Variants in CDKL2 observed in about 807,000 individuals in gnomAD.
The protein encoded by CDKL2 is cyclin dependent kinase like 2.
A neutral mutation model predicts 63.9 loss-of-function variants in CDKL2; 64 were observed. The observed-to-expected ratio is 1.00, with a 90% CI of 0.82 to 1.23. CDKL2 has a LOEUF of 1.23. CDKL2 is among the 50% of genes most tolerant of loss of function. The probability of loss-of-function intolerance (pLI) is 0.00; values close to 1 mark genes in which losing one functional copy is unlikely to be tolerated. For missense variants in CDKL2, 656 were observed against 668.0 expected, an observed-to-expected ratio of 0.98 and a Z score of 0.20; for synonymous variants, 211 against 229.2, an observed-to-expected ratio of 0.92 and a Z score of 0.72.
intron 2 of CDKL2, among the ~76,000 whole-genome samples, chr4:75,618,715 T>C (rs1373706018): frequency 1.3e-5 from 2 of 152,144 alleles, no homozygotes. Context: ...GTAACAAGTG[T>C]GGAAATGAGC....
chr4:75,595,417 G>A (rs1728872176), intron 10 of CDKL2, among the ~76,000 whole-genome samples: 1 of 151,964 alleles, frequency 6.6e-6, no homozygotes, highest in Admixed American at 6.6e-5. Context: ...ATCTTGCTAT[G>A]TTGCTCAAGC....
In CDKL2 at chr4:75,607,378, G is replaced by A. The variant is rs769748215; in HGVS notation, c.364-17C>T. On this transcript the variant is annotated splice_polypyrimidine_tract_variant and intron_variant, in intron 3 of 13. Coordinates refer to ENST00000307465, the MANE Select transcript of CDKL2 (RefSeq NM_001330724.2). ...GTGTATGATCTAGACAAGAAGCAGA[G>A]TGTGACGGATGTTAAATAAAATTAA... 2 of 1,593,634 alleles carry A rather than the reference G, an allele frequency of 1.3e-6. No individual in the cohort carries two copies. Among genetic ancestry groups the A allele is most frequent in the Admixed American group, 3.4e-5 (2 of 58,330 alleles).
intron 2 of CDKL2, among the ~76,000 whole-genome samples, chr4:75,618,367 G>T (rs1475018202): frequency 1.5e-5 from 2 of 129,640 alleles, no homozygotes; most frequent in African/African-American, 5.9e-5. Context: ...CAATTCTCCT[G>T]CCTCAGCCTC....
At chr4:75,597,350 G>T in intron 8 of CDKL2, 114 bp from the exon 9 acceptor site, 1 of 670,934 alleles carries the variant, frequency 1.5e-6, no homozygotes, top group Non-Finnish European at 2.5e-6. Flanking sequence ...TCACCTTTTT[G>T]AAACTGTTTT....
rs10684785 is a variant in CDKL2, at chr4:75,577,995, CA to C, written c.*1206del. The C allele has an allele frequency of 4.8e-3, 666 of 138,860 alleles. 9 individuals are homozygous for C. Among genetic ancestry groups the C allele is most frequent in the East Asian group, 0.014 (68 of 4,884 alleles). The allele number at this position is 138,860 out of a possible 1,614,324, so 8.6% of individuals were successfully genotyped here. The stretch of plus-strand genomic sequence containing the variant: ...GCAACACACTATTAATTAGTTAAGG[CA>C]AAAAAAAAAAAAAAACTCACAAATT... On this transcript the variant is annotated 3_prime_UTR_variant, in exon 14 of 14. Coordinates refer to ENST00000307465, the MANE Select transcript of CDKL2 (RefSeq NM_001330724.2).
intron 3 of CDKL2, among the ~76,000 whole-genome samples, chr4:75,607,876 G>T (rs946764250): frequency 1.3e-5 from 2 of 152,086 alleles, no homozygotes; most frequent in South Asian, 2.1e-4. Flanking sequence ...GCAGTGGCGC[G>T]ATCTCGGCTC....
At chr4:75,626,396 G>A (rs941506672) in intron 1 of CDKL2, among the ~76,000 whole-genome samples, 42 of 152,204 alleles carry the variant, frequency 2.8e-4, no homozygotes, top group Non-Finnish European at 2.4e-4. Flanking sequence ...ACCGGGCGCA[G>A]TGGCTCACGC....
chr4:75,594,258 G>A (rs561582361), intron 10 of CDKL2, among the ~76,000 whole-genome samples: 1 of 152,124 alleles, frequency 6.6e-6, no homozygotes, highest in Admixed American at 6.5e-5. Context: ...AACCAGCCTG[G>A]CCGACATGGA....
chr4:75,607,074 C>T, intron 4 of CDKL2, 109 bp downstream of exon 4: 1 of 857,374 alleles, frequency 1.2e-6, no homozygotes, highest in Non-Finnish European at 1.8e-6. Flanking sequence ...CCCTGAAACT[C>T]AAGCCTTCCT....
intron 6 of CDKL2, 117 bp downstream of exon 6, chr4:75,603,699 AG>A (rs1729298719): frequency 1.3e-6 from 1 of 752,216 alleles, no homozygotes; most frequent in African/African-American, 1.8e-5. Context: ...TGTGTGACAG[AG>A]CAAGACTCCA....
intron 1 of CDKL2, among the ~76,000 whole-genome samples, chr4:75,628,177 G>C (rs1461063872): frequency 1.3e-5 from 2 of 149,956 alleles, no homozygotes; most frequent in Non-Finnish European, 3.0e-5. Flanking sequence ...GTGCAGTGGC[G>C]CGATCTTGGC....
intron 1 of CDKL2, among the ~76,000 whole-genome samples, chr4:75,627,901 G>A (rs1730506848): frequency 6.7e-6 from 1 of 149,678 alleles, no homozygotes; most frequent in Non-Finnish European, 1.5e-5. Flanking sequence ...TAGTAGAGAC[G>A]GGGTTTCGCC....
chr4:75,603,663 C>T (rs184435990), intron 6 of CDKL2, among the ~76,000 whole-genome samples, 154 bp downstream of exon 6: 215 of 139,926 alleles, frequency 1.5e-3, no homozygotes, highest in African/African-American at 5.5e-3. Context: ...TGCAGTGAGC[C>T]GAGATCATGC....
intron 7 of CDKL2, among the ~76,000 whole-genome samples, chr4:75,598,891 TAAAC>T (rs1446478954): frequency 2.6e-5 from 4 of 152,172 alleles, no homozygotes; most frequent in East Asian, 1.9e-4. Context: ...TTTTAACAAA[TAAAC>T]AAAGTGATCT....
At position 75,596,930 on chromosome 4, in the gene CDKL2, C is replaced by G. The variant is rs1728964048; in HGVS notation, c.1322+5G>C. On this transcript the variant is annotated splice_donor_5th_base_variant and intron_variant, in intron 9 of 13. Transcript: ENST00000307465. ...CTTTTTTGATCTTATTTTACTAATT[C>G]ATACCTGTAACCCTGAATTGGTATA... The G allele has an allele frequency of 1.2e-6, 2 of 1,600,466 alleles. No individual in the cohort carries two copies. Among genetic ancestry groups the G allele is most frequent in the Non-Finnish European group, 1.7e-6 (2 of 1,170,574 alleles).
chr4:75,629,922 G>C (rs1277862804), intron 1 of CDKL2, 120 bp downstream of exon 1: 1 of 106,344 alleles, frequency 9.4e-6, no homozygotes, highest in South Asian at 3.6e-4. Context: ...TGGGCAACAA[G>C]AGTGAAACTC....
chr4:75,614,554 G>T, intron 2 of CDKL2, 105 bp from the exon 3 acceptor site: 1 of 689,302 alleles, frequency 1.5e-6, no homozygotes, highest in South Asian at 2.6e-5. Flanking sequence ...AGATCTCAGC[G>T]TAAGAAAAAT....
chr4:75,591,113 A>C (rs930871070), intron 12 of CDKL2, among the ~76,000 whole-genome samples: 4 of 152,352 alleles, frequency 2.6e-5, no homozygotes, highest in African/African-American at 9.6e-5. Context: ...CTTGGTGAAA[A>C]TATGTCAAAT....
chr4:75,615,882 T>G (rs965225393), intron 2 of CDKL2, among the ~76,000 whole-genome samples: 3 of 152,062 alleles, frequency 2.0e-5, no homozygotes, highest in Non-Finnish European at 2.9e-5. Flanking sequence ...TCCCAGCTAC[T>G]TGGGAGGTTA....
Sources: allele counts gnomAD v4.1 joint callset (sites outside exome capture counted in the v4.1 genomes callset), GRCh38; gene constraint gnomAD v4.1.1; transcripts MANE v1.5; gene names NCBI Gene and HGNC (gene_info 2026-07-23, HGNC 2026-07-21).